TCERG1L: variants seen among roughly 807,000 people sequenced by gnomAD.
TCERG1L encodes transcription elongation regulator 1 like.
TCERG1L carries 37 observed loss-of-function variants against 56.3 expected under a neutral mutation model. The observed-to-expected ratio is 0.66, with a 90% CI of 0.51 to 0.87. The LOEUF (loss-of-function observed/expected upper bound fraction) is 0.87, where lower values mean the gene tolerates loss of function less well. Ranked by LOEUF, TCERG1L falls within the 40% of genes least tolerant of loss-of-function variation. The probability of loss-of-function intolerance (pLI) is 0.00; values close to 1 mark genes in which losing one functional copy is unlikely to be tolerated. For missense variants in TCERG1L, 799 were observed against 774.2 expected (o/e 1.03, Z -0.38); for synonymous variants, 324 against 326.3 (o/e 0.99, Z 0.08).
At chr10:131,281,614 C>T (rs1021167654) in intron 3 of TCERG1L, among the ~76,000 whole-genome samples, 4 of 152,086 alleles carry the variant, frequency 2.6e-5, no homozygotes, top group Non-Finnish European at 5.9e-5. Flanking sequence ...TGTTTCTATT[C>T]TTCCCAAAGG....
intron 9 of TCERG1L, among the ~76,000 whole-genome samples, chr10:131,114,880 G>A (rs1845439722): frequency 6.6e-6 from 1 of 152,186 alleles, no homozygotes; most frequent in Admixed American, 6.5e-5. Context: ...CACGAGTCAT[G>A]TCTCCTGCCC....
intron 4 of TCERG1L, among the ~76,000 whole-genome samples, chr10:131,247,482 A>G (rs779680954): frequency 6.6e-6 from 1 of 152,098 alleles, no homozygotes. Context: ...CAAGAACCAA[A>G]TGATTCTTGA....
chr10:131,214,217 T>C (rs905781248), intron 4 of TCERG1L, among the ~76,000 whole-genome samples: 1 of 152,006 alleles, frequency 6.6e-6, no homozygotes, highest in Non-Finnish European at 1.5e-5. Context: ...CCTGGGAAGC[T>C]TGTCCTAACC....
intron 4 of TCERG1L, among the ~76,000 whole-genome samples, chr10:131,178,018 C>T (rs553741825): frequency 6.6e-6 from 1 of 152,208 alleles, no homozygotes; most frequent in South Asian, 2.1e-4. Flanking sequence ...CTCCACATTC[C>T]GGGACAGTCA....
chr10:131,260,353 C>A lies in TCERG1L; in HGVS notation c.762G>T (p.Glu254Asp). 6.7e-7 allele frequency: 1 copy of A among 1,488,050 alleles called. No homozygotes were observed. The highest frequency in any genetic ancestry group is 8.9e-7 in the Non-Finnish European group (1 of 1,128,074). The allele number at this position is 1,488,050 out of a possible 1,614,324, so 92.2% of individuals were successfully genotyped here. Residue 254 changes from glutamate to aspartate, a missense_variant, in exon 4 of 12, where the codon GAG becomes GAT. Glu to Asp is a conservative substitution (Grantham distance 45, BLOSUM62 2). Transcript: ENST00000368642. This position sits in a 1 kb window ranked among gnomAD's most constrained non-coding sequence, Gnocchi z 5.8. Reference sequence around the variant, plus strand: ...TGGAGGGGGACGGGCCCCGGAGGTTCTCAGGGTCCACGGAGACCATGGCAG... The same window carrying A: ...TGGAGGGGGACGGGCCCCGGAGGTTATCAGGGTCCACGGAGACCATGGCAG... Reference protein sequence around the residue: ...AAAAMVSVDPENLRGPSPSSV... With the variant: ...AAAAMVSVDPDNLRGPSPSSV...
At chr10:131,233,589 T>C (rs1845877584) in intron 4 of TCERG1L, among the ~76,000 whole-genome samples, 1 of 152,238 alleles carries the variant, frequency 6.6e-6, no homozygotes, top group Admixed American at 6.5e-5. Flanking sequence ...ATATTTTCCC[T>C]AGTTAGCACT....
At chr10:131,241,851 C>T (rs1282275275) in intron 4 of TCERG1L, among the ~76,000 whole-genome samples, 2 of 151,772 alleles carry the variant, frequency 1.3e-5, no homozygotes, top group Non-Finnish European at 2.9e-5. Context: ...AATCACTGAA[C>T]ATCCGAGATA....
intron 3 of TCERG1L, among the ~76,000 whole-genome samples, chr10:131,301,546 A>T (rs904146015): frequency 2.0e-5 from 3 of 152,048 alleles, no homozygotes; most frequent in Non-Finnish European, 4.4e-5. Flanking sequence ...AGAAAAAATG[A>T]AATTTGATAA....
At chr10:131,183,839 C>T (rs530362327) in intron 4 of TCERG1L, among the ~76,000 whole-genome samples, 34 of 152,348 alleles carry the variant, frequency 2.2e-4, no homozygotes, top group African/African-American at 7.9e-4. Flanking sequence ...CGTGTGTCTG[C>T]CTCCTTCTTG....
chr10:131,177,294 T>C (rs543639177), intron 4 of TCERG1L, among the ~76,000 whole-genome samples: 2 of 152,358 alleles, frequency 1.3e-5, no homozygotes, highest in East Asian at 3.9e-4. Context: ...GCAAAGCTTT[T>C]GCCTGATGAT....
chr10:131,311,645 C>G lies in TCERG1L; in HGVS notation c.-10G>C. 2 of 1,121,872 alleles carry G rather than the reference C, an allele frequency of 1.8e-6. No homozygotes were observed. Among genetic ancestry groups the G allele is most frequent in the East Asian group, 4.7e-5 (1 of 21,360 alleles). The allele number at this position is 1,121,872 out of a possible 1,614,324, so 69.5% of individuals were successfully genotyped here. A position where few individuals can be genotyped will look rare whatever the true frequency, so the allele number is the denominator to read the frequency against. On this transcript the variant is annotated 5_prime_UTR_variant, in exon 1 of 12. Transcript: ENST00000368642. The surrounding 1 kb of genome is among the most constrained non-coding windows in gnomAD (Gnocchi z 4.0). ...TGGCGCCCGCCTGCATCCTACATCCCCGCGCTGACGGCGGCGGCGGGGGCG... is the reference window on the plus strand; with the variant it reads ...TGGCGCCCGCCTGCATCCTACATCCGCGCGCTGACGGCGGCGGCGGGGGCG...
In TCERG1L at chr10:131,260,124, G is replaced by C; in HGVS notation, c.856+135C>G. On this transcript the variant is annotated intron_variant, in intron 4 of 11. Transcript: ENST00000368642. The surrounding 1 kb of genome is among the most constrained non-coding windows in gnomAD (Gnocchi z 5.8). ...GTCAAGCAAAGCCCAAACGGCCCCAGCCGAATGTTTCCCTCAACCGGAGCC... is the reference window on the plus strand; with the variant it reads ...GTCAAGCAAAGCCCAAACGGCCCCACCCGAATGTTTCCCTCAACCGGAGCC... 1 of 1,232,882 alleles carries C rather than the reference G, an allele frequency of 8.1e-7. No homozygotes were observed. The highest frequency in any genetic ancestry group is 1.0e-6 in the Non-Finnish European group (1 of 988,164). 76.4% of individuals were successfully genotyped at this position (1,232,882 alleles called of 1,614,324 possible).
intron 7 of TCERG1L, 59 bp downstream of exon 7, chr10:131,146,447 T>A (rs1845795301): frequency 4.2e-6 from 6 of 1,434,232 alleles, no homozygotes; most frequent in Non-Finnish European, 5.6e-6. Context: ...TTTACGTTCA[T>A]TAGAAATAAG....
At chr10:131,108,509 C>G (rs373118598) in intron 9 of TCERG1L, among the ~76,000 whole-genome samples, 15 of 151,470 alleles carry the variant, frequency 9.9e-5, no homozygotes, top group African/African-American at 3.4e-4. Flanking sequence ...GGGAATAAAC[C>G]CACTTCAGAT....
intron 6 of TCERG1L, 117 bp from the exon 7 acceptor site, chr10:131,146,777 C>G (rs1421375513): frequency 8.4e-7 from 1 of 1,186,182 alleles, no homozygotes; most frequent in African/African-American, 1.5e-5. Flanking sequence ...ATTTGCAAAG[C>G]TTGTTTATGG....
chr10:131,210,331 C>T (rs1008087467), intron 4 of TCERG1L, among the ~76,000 whole-genome samples: 1 of 152,118 alleles, frequency 6.6e-6, no homozygotes, highest in Admixed American at 6.5e-5. Context: ...TGCCCACAGT[C>T]CCCCCAACCC....
intron 4 of TCERG1L, among the ~76,000 whole-genome samples, chr10:131,254,692 G>C (rs1233721936): frequency 6.6e-6 from 1 of 152,190 alleles, no homozygotes; most frequent in Admixed American, 6.5e-5. Flanking sequence ...CGGCAGTGCC[G>C]AGGGGCTGGA....
intron 4 of TCERG1L, among the ~76,000 whole-genome samples, chr10:131,220,078 C>T (rs1010230010): frequency 1.3e-5 from 2 of 152,190 alleles, no homozygotes; most frequent in African/African-American, 2.4e-5. Flanking sequence ...GCCCTGGACC[C>T]GGGCTGAGCT....
intron 8 of TCERG1L, among the ~76,000 whole-genome samples, chr10:131,128,522 A>T (rs1845586217): frequency 6.6e-6 from 1 of 152,178 alleles, no homozygotes; most frequent in East Asian, 1.9e-4. Flanking sequence ...ATCGACTAAA[A>T]CATCAGCTGT....
Sources: allele counts gnomAD v4.1 joint callset (sites outside exome capture counted in the v4.1 genomes callset), GRCh38; gene constraint gnomAD v4.1.1; non-coding constraint Gnocchi (gnomAD v3.1); transcripts MANE v1.5; gene names NCBI Gene and HGNC (gene_info 2026-07-23, HGNC 2026-07-21).